The following PLEC variants were observed in gnomAD, a reference collection of about 807,000 sequenced individuals.
PLEC encodes the protein hemidesmosomal protein 1.
A neutral mutation model predicts 392.8 loss-of-function variants in PLEC; 216 were observed. The observed-to-expected ratio is 0.55, with a 90% CI of 0.49 to 0.62. The LOEUF is 0.62. PLEC is among the 20% of genes least tolerant of loss of function. The pLI is 0.00. For synonymous variants in PLEC, 3,621 were observed against 2,980.6 expected, an observed-to-expected ratio of 1.21 and a Z score of -7.00; for missense variants, 6,863 against 6,563.4, an observed-to-expected ratio of 1.05 and a Z score of -1.58.
Position 143,927,562 on chromosome 8 carries a change from G to A in PLEC, c.3604C>T (p.Leu1202Phe), listed in dbSNP as rs1554707847. 1 of 1,593,098 alleles carries A rather than the reference G, an allele frequency of 6.3e-7. No homozygotes were observed. Among genetic ancestry groups the A allele is most frequent in the Non-Finnish European group, 8.5e-7 (1 of 1,177,266 alleles). The change falls in exon 27 of 32, where the codon CTC (leucine) becomes TTC (phenylalanine). Residue 1202 changes from leucine to phenylalanine, a missense_variant. Coordinates refer to ENST00000345136, the MANE Select transcript of PLEC (RefSeq NM_201384.3). ...LAQTDVRQRE[L>F]EQLGRQLRYY... ...CGCAGCTGGCGGCCCAGTTGCTCGA[G>A]CTCGCGCTGCCGCACGTCGGTCTGG...
upstream of PLEC, chr8:143,958,503 C>G (rs781993419): frequency 8.4e-5 from 28 of 335,144 alleles, no homozygotes; most frequent in Non-Finnish European, 1.6e-4. The surrounding 1 kb of genome is among the most constrained non-coding windows in gnomAD (Gnocchi z 4.9). Context: ...ATCTCTCAAA[C>G]CTGTCCTGTG....
rs782291350 is a variant in PLEC at position 143,932,472 on chromosome 8, C to T, written c.1905G>A (p.Lys635=). 19 of 1,612,650 alleles carry T rather than the reference C, an allele frequency of 1.2e-5. No individual in the cohort carries two copies. Among genetic ancestry groups the T allele is most frequent in the Non-Finnish European group, 1.4e-5 (16 of 1,179,996 alleles). The change falls in exon 16 of 32, where the codon AAG becomes AAA. Residue 635 remains lysine (K), a synonymous_variant. Transcript: ENST00000345136. Reference sequence around the variant, plus strand: ...AGTCGAAGCCCACCTCCTCCTCCTCCTTCTCATTCAGCCACATTAGCTCCT... The same window carrying T: ...AGTCGAAGCCCACCTCCTCCTCCTCTTTCTCATTCAGCCACATTAGCTCCT... ...ATKELMWLNE[K]EEEEVGFDWS... is the part of the protein sequence containing the mutation.
Position 143,929,971 on chromosome 8 carries a change from C to T in PLEC, c.2704G>A (p.Asp902Asn), listed in dbSNP as rs199833127. The T allele has an allele frequency of 1.0e-4, 167 of 1,611,444 alleles. No individual in the cohort carries two copies. The African/African-American group carries it at 1.6e-3, about 16-fold the overall frequency. The stretch of plus-strand genomic sequence containing the variant: ...GACCAGGAGCGGATGAGCTGCACGT[C>T]GCGGCGAAGGCTCTGCCAGGCCAGA... ...SLLAWQSLRR[D>N]VQLIRSWSLA... Residue 902 changes from aspartate (D) to asparagine (N), a missense_variant, in exon 22 of 32, where the codon GAC (aspartate) becomes AAC (asparagine). By Grantham distance (23) the Asp-to-Asn change is conservative (BLOSUM62 1). Transcript: ENST00000345136.
rs782218200 is a variant in PLEC, at chr8:143,916,200, C to T, written c.13621G>A (p.Gly4541Ser). The T allele has an allele frequency of 4.5e-6, 7 of 1,543,424 alleles. No individual in the cohort carries two copies. The East Asian group carries it at 1.5e-4, about 32-fold the overall frequency. ...YASGSSASLG[G>S]PESAVA ...CCTCAGGCCACGGCAGACTCAGGGC[C>T]CCCCAGGGAGGCCGAGGACCCCGAG... is the stretch of plus-strand genomic sequence containing the variant. Residue 4541 changes from glycine (G) to serine (S), a missense_variant, in exon 32 of 32, where the codon GGC (glycine) becomes AGC (serine). Coordinates refer to ENST00000345136, the MANE Select transcript of PLEC (RefSeq NM_201384.3).
intron 7 of PLEC, 22 bp downstream of exon 7, chr8:143,935,176 G>A (rs1391320339): frequency 1.2e-6 from 2 of 1,611,568 alleles, no homozygotes; most frequent in African/African-American, 2.7e-5. Flanking sequence ...AAGGGACAGG[G>A]AGGAAGGCCA....
In PLEC at chr8:143,933,961, C is replaced by G. The variant is rs202219446; in HGVS notation, c.1263+37G>C. 1.5e-5 allele frequency: 23 copies of G among 1,552,196 alleles called. No homozygotes were observed. The East Asian group carries it at 5.4e-4, about 36-fold the overall frequency. On this transcript the variant is annotated intron_variant, in intron 12 of 31. Coordinates refer to ENST00000345136, the MANE Select transcript of PLEC (RefSeq NM_201384.3). ...GCAGGGCGGGGCAGGCTCCTCCGGC[C>G]TCCCTCCCGCCCACTGCCTGCCCCA...
intron 1 of PLEC, among the ~76,000 whole-genome samples, chr8:143,960,581 C>T (rs1554740574): frequency 6.6e-6 from 1 of 151,498 alleles, no homozygotes; most frequent in Admixed American, 6.6e-5. Flanking sequence ...TGCATCTCTG[C>T]ACTCCAGCCT....
In PLEC at chr8:143,939,428, C is replaced by A. The variant is rs782277737; in HGVS notation, c.34G>T (p.Glu12Ter). 6.2e-7 allele frequency: 1 copy of A among 1,612,348 alleles called. No individual in the cohort carries two copies. The highest frequency in any genetic ancestry group is 8.5e-7 in the Non-Finnish European group (1 of 1,179,760). ...SQHQLRVPQP[E>*]GLGRKRTSSE... Reference sequence around the variant, plus strand: ...CTGGTTCTCTTTCGGCCCAGGCCCTCGGGCTGCGGCACGCGGAGCTGGTGC... The same window carrying A: ...CTGGTTCTCTTTCGGCCCAGGCCCTAGGGCTGCGGCACGCGGAGCTGGTGC... Residue 12 changes from glutamate to a stop codon, truncating the protein, a stop_gained, in exon 1 of 32, where the codon GAG (glutamate) becomes TAG (stop). Transcript: ENST00000345136. LOFTEE classifies it high-confidence loss of function.
upstream of PLEC, among the ~76,000 whole-genome samples, chr8:143,973,785 G>A (rs1453128740): frequency 6.6e-6 from 1 of 151,730 alleles, no homozygotes; most frequent in Non-Finnish European, 1.5e-5. This position sits in a 1 kb window ranked among gnomAD's most constrained non-coding sequence, Gnocchi z 5.6. Context: ...CCCCCGCCCA[G>A]GGGCGGCCGC....
chr8:143,934,501 T>TG (rs1416386417), intron 10 of PLEC, 56 bp from the exon 11 acceptor site: 36 of 1,606,530 alleles, frequency 2.2e-5, no homozygotes, highest in Non-Finnish European at 2.9e-5. Flanking sequence ...GGTGGGGCGC[T>TG]GGGCCTTCAG....
Position 143,929,668 on chromosome 8 carries a change from C to A in PLEC, c.2901G>T (p.Gln967His), listed in dbSNP as rs781913031. ...EYGSCSHHYQ[Q>H]LLQSLEQGAQ... ...TACCCTGTTCCAGGCTCTGCAGCAG[C>A]TGCTGGTAGTGGTGGCTGCAGGAGC... The change falls in exon 23 of 32, where the codon CAG becomes CAT. Residue 967 changes from glutamine to histidine, a missense_variant. Coordinates refer to ENST00000345136, the MANE Select transcript of PLEC (RefSeq NM_201384.3). 1.3e-4 allele frequency: 204 copies of A among 1,602,480 alleles called. 5 individuals carry two copies. The South Asian group carries it at 2.1e-3, about 17-fold the overall frequency.
rs782121511 is a variant in PLEC, at chr8:143,925,534, C to T, written c.4395G>A (p.Glu1465=). 7 of 1,595,030 alleles carry T rather than the reference C, an allele frequency of 4.4e-6. No individual in the cohort carries two copies. Among genetic ancestry groups the T allele is most frequent in the Non-Finnish European group, 5.9e-6 (7 of 1,177,980 alleles). The part of the protein sequence containing the change: ...RVVRLQLEAT[E]RQRGGAEGEL... The stretch of plus-strand genomic sequence containing the variant: ...CCCCCTCAGCCCCGCCACGCTGGCG[C>T]TCGGTGGCCTCCAACTGCAGGCGCA... The change falls in exon 31 of 32, where the codon GAG becomes GAA. Residue 1465 remains glutamate (E), a synonymous_variant. Transcript: ENST00000345136.
Position 143,916,360 on chromosome 8 carries a change from A to AGCCGGTGCGCGAGCCGGTGCGGGAGCCG in PLEC, c.13460_13461insCGGCTCCCGCACCGGCTCGCGCACCGGC (p.Ser4497TrpfsTer20), listed in dbSNP as rs782323828. The AGCCGGTGCGCGAGCCGGTGCGGGAGCCG allele has an allele frequency of 1.2e-6, 2 of 1,607,852 alleles. 1 individual carries two copies. The highest frequency in any genetic ancestry group is 1.7e-6 in the Non-Finnish European group (2 of 1,178,032). ...CGGTGCGCGAGCCGGTGCGGGAGCCAGCGGTAGAGCCGGAGCCGCTGACGC... is the reference window on the plus strand; with the variant it reads ...CGGTGCGCGAGCCGGTGCGGGAGCCAGCCGGTGCGCGAGCCGGTGCGGGAGCCGGCGGTAGAGCCGGAGCCGCTGACGC... On this transcript the variant is annotated frameshift_variant, in exon 32 of 32. Transcript: ENST00000345136. LOFTEE classifies it high-confidence loss of function.
rs782297951 is a variant in PLEC, at chr8:143,920,733, A to G, written c.9088T>C (p.Trp3030Arg). ...AGCTTCTGCCCCGCCTCCTCCAGCC[A>G]TACACCCGCGATGACGTTGGCACCC... Reference protein sequence around the residue: ...LRGANVIAGVWLEEAGQKLSI... With the variant: ...LRGANVIAGVRLEEAGQKLSI... The change falls in exon 32 of 32, where the codon TGG becomes CGG. Residue 3030 changes from tryptophan to arginine, a missense_variant. Trp to Arg is a moderately radical substitution (Grantham distance 101). Transcript: ENST00000345136. The G allele has an allele frequency of 6.2e-7, 1 of 1,604,086 alleles. No individual in the cohort carries two copies. The highest frequency in any genetic ancestry group is 2.2e-5 in the East Asian group (1 of 44,874).
chr8:143,919,687 G>A lies in PLEC; in HGVS notation c.10134C>T (p.Gly3378=). The change falls in exon 32 of 32, where the codon GGC becomes GGT. Residue 3378 remains glycine (G), a synonymous_variant. Transcript: ENST00000345136. The stretch of plus-strand genomic sequence containing the variant: ...GCGCAGCCGTTGTGGCTCTCAGCAG[G>A]CCCCGGCGCATGGCCTCGTAGATGG... The part of the protein sequence containing the change: ...KVSIYEAMRR[G]LLRATTAALL... 3.7e-6 allele frequency: 6 copies of A among 1,602,004 alleles called. No individual in the cohort carries two copies. The highest frequency in any genetic ancestry group is 5.1e-6 in the Non-Finnish European group (6 of 1,175,544).
chr8:143,939,462 GCTGCCCCCACAC>G lies in PLEC; in HGVS notation c.-13_-2del. 6.2e-7 allele frequency: 1 copy of G among 1,610,578 alleles called. No homozygotes were observed. The highest frequency in any genetic ancestry group is 8.5e-7 in the Non-Finnish European group (1 of 1,179,248). ...GCACGCGGAGCTGGTGCTGAGACATGCTGCCCCCACACCTTCGTCGCCCGGACCCTCGGCCTC... is the reference window on the plus strand; with the variant it reads ...GCACGCGGAGCTGGTGCTGAGACATGCTTCGTCGCCCGGACCCTCGGCCTC... On this transcript the variant is annotated 5_prime_UTR_variant, in exon 1 of 32. Transcript: ENST00000345136.
upstream of PLEC, among the ~76,000 whole-genome samples, chr8:143,954,814 G>A (rs1259633306): frequency 2.0e-5 from 3 of 152,182 alleles, no homozygotes; most frequent in Admixed American, 6.5e-5. This position sits in a 1 kb window ranked among gnomAD's most constrained non-coding sequence, Gnocchi z 4.6. Flanking sequence ...GTCCGTGCTG[G>A]TAGTGTGGGG....
chr8:143,938,132 G>C lies in PLEC; in HGVS notation c.264+19C>G, dbSNP rs782568699. On this transcript the variant is annotated intron_variant, in intron 3 of 31. Transcript: ENST00000345136. ...CAGGTGGGGCAGGCGGGGCCCGGAG[G>C]GGGCAGGGGCACACGTACCAGGCTG... 1.0e-5 allele frequency: 16 copies of C among 1,585,896 alleles called. No homozygotes were observed. The South Asian group carries it at 1.1e-4, about 11-fold the overall frequency.
chr8:143,916,501 G>C lies in PLEC; in HGVS notation c.13320C>G (p.Thr4440=), dbSNP rs782815309. Residue 4440 remains threonine, a synonymous_variant, in exon 32 of 32, where the codon ACC becomes ACG. Coordinates refer to ENST00000345136, the MANE Select transcript of PLEC (RefSeq NM_201384.3). ...AYSKYLTCPK[T]KLKISYKDAL... The stretch of plus-strand genomic sequence containing the variant: ...CGTCCTTATAGGAGATCTTGAGCTT[G>C]GTCTTAGGGCAGGTGAGGTACTTGG... 1 of 1,611,744 alleles carries C rather than the reference G, an allele frequency of 6.2e-7. No individual in the cohort carries two copies. The highest frequency in any genetic ancestry group is 8.5e-7 in the Non-Finnish European group (1 of 1,179,444).
Sources: allele counts gnomAD v4.1 joint callset (sites outside exome capture counted in the v4.1 genomes callset), GRCh38; gene constraint gnomAD v4.1.1; non-coding constraint Gnocchi (gnomAD v3.1); transcripts MANE v1.5; gene names NCBI Gene and HGNC (gene_info 2026-07-23, HGNC 2026-07-21).